TPH1: variants seen among roughly 807,000 people sequenced by gnomAD.
The protein encoded by TPH1 is tryptophan hydroxylase 1.
TPH1 carries 37 observed loss-of-function variants against 49.5 expected under a neutral mutation model. The ratio of observed to expected loss-of-function variants is 0.75; its 90% CI spans 0.58 to 0.98. TPH1 has a LOEUF of 0.98. TPH1 is among the 50% of genes least tolerant of loss of function. The pLI is 0.00. For synonymous variants in TPH1, 160 were observed against 182.1 expected, an observed-to-expected ratio of 0.88 and a Z score of 0.98; for missense variants, 487 against 523.6, an observed-to-expected ratio of 0.93 and a Z score of 0.68.
chr11:18,044,552 C>A (rs1475255678), intron 1 of TPH1, among the ~76,000 whole-genome samples: 1 of 150,460 alleles, frequency 6.6e-6, no homozygotes, highest in Non-Finnish European at 1.5e-5. Flanking sequence ...TCCCCCCCAC[C>A]CCAAAATAAT....
Position 18,019,961 on chromosome 11 carries a change from C to G in TPH1, c.*1030G>C, listed in dbSNP as rs1565233961. On this transcript the variant is annotated 3_prime_UTR_variant, in exon 11 of 11. Transcript: ENST00000682019. ...TCCCCTTTTCTGCAGCCTCTACTCT[C>G]ATTGCATACCTTTCTGTTTATGGCC... 3.0e-6 allele frequency: 1 copy of G among 336,738 alleles called. No individual in the cohort carries two copies. Among genetic ancestry groups the G allele is most frequent in the Non-Finnish European group, 5.8e-6 (1 of 172,052 alleles). 20.9% of individuals were successfully genotyped at this position (336,738 alleles called of 1,614,324 possible).
chr11:18,025,051 T>C (rs958466762), intron 8 of TPH1, among the ~76,000 whole-genome samples: 7 of 152,214 alleles, frequency 4.6e-5, no homozygotes, highest in Admixed American at 4.6e-4. Flanking sequence ...AACTGTCTCC[T>C]CAAACAGTAT....
chr11:18,040,186 C>T (rs553338871), intron 2 of TPH1, among the ~76,000 whole-genome samples: 6 of 148,762 alleles, frequency 4.0e-5, no homozygotes, highest in African/African-American at 9.8e-5. Flanking sequence ...CCCCATTTCT[C>T]GAAGTAGCTA....
intron 2 of TPH1, among the ~76,000 whole-genome samples, chr11:18,036,713 A>G (rs760762293): frequency 5.9e-5 from 9 of 152,294 alleles, no homozygotes; most frequent in Middle Eastern, 3.4e-3. Context: ...TCTCTTACCA[A>G]TTTGGGTAGC....
chr11:18,028,580 C>T (rs1262212661), intron 6 of TPH1, among the ~76,000 whole-genome samples: 1 of 152,136 alleles, frequency 6.6e-6, no homozygotes, highest in African/African-American at 2.4e-5. Flanking sequence ...AGGTTAAACA[C>T]CCTAAGAGTT....
intron 2 of TPH1, among the ~76,000 whole-genome samples, chr11:18,036,778 G>T (rs929532584): frequency 6.6e-6 from 1 of 152,128 alleles, no homozygotes; most frequent in Non-Finnish European, 1.5e-5. Flanking sequence ...TCACCCTATA[G>T]TTTTTTCATC....
Position 18,021,012 on chromosome 11 carries a change from G to C in TPH1, c.1314C>G (p.Val438=). ...ACTGTTAGATACTCGGCTTCCTGCT[G>C]ACCTTAGCAAGGGCATCACTGACAA... ...LDVVSDALAK[V]SRKPSI Residue 438 remains valine, a synonymous_variant, in exon 11 of 11, where the codon GTC becomes GTG. Coordinates refer to ENST00000682019, the MANE Select transcript of TPH1 (RefSeq NM_004179.3). 1 of 1,613,946 alleles carries C rather than the reference G, an allele frequency of 6.2e-7. No homozygotes were observed. The highest frequency in any genetic ancestry group is 8.5e-7 in the Non-Finnish European group (1 of 1,179,916).
chr11:18,041,557 G>A (rs1300629871), intron 1 of TPH1, among the ~76,000 whole-genome samples: 1 of 152,096 alleles, frequency 6.6e-6, no homozygotes, highest in Non-Finnish European at 1.5e-5. Context: ...ATTCTCACTC[G>A]TTTTAAAACA....
Position 18,018,665 on chromosome 11 carries a change from C to CAAAAAAAAAAAAAAAAA in TPH1, c.*2309_*2325dup, listed in dbSNP as rs57390279. 3.2e-4 allele frequency: 12 copies of CAAAAAAAAAAAAAAAAA among 37,038 alleles called. 2 individuals carry two copies. Among genetic ancestry groups the CAAAAAAAAAAAAAAAAA allele is most frequent in the African/African-American group, 5.9e-4 (6 of 10,222 alleles). 2.3% of individuals were successfully genotyped at this position (37,038 alleles called of 1,614,324 possible). On this transcript the variant is annotated 3_prime_UTR_variant, in exon 11 of 11. Coordinates refer to ENST00000682019, the MANE Select transcript of TPH1 (RefSeq NM_004179.3). ...TGGGCGACAGAGCAAGACTCCGTCTCAAAAAAAAAAAAAAAAAAAAAAAAA... is the reference window on the plus strand; with the variant it reads ...TGGGCGACAGAGCAAGACTCCGTCTCAAAAAAAAAAAAAAAAAAAAAAAAAAAAAAAAAAAAAAAAAA...
chr11:18,029,081 CAAAAA>C (rs368358256), intron 6 of TPH1, 79 bp downstream of exon 6: 357 of 539,852 alleles, frequency 6.6e-4, no homozygotes, highest in Middle Eastern at 1.0e-3. Context: ...GACTCTGTCT[CAAAAA>C]AAAAAAAAAA....
intron 1 of TPH1, among the ~76,000 whole-genome samples, chr11:18,043,443 A>G (rs1241500217): frequency 1.3e-5 from 2 of 152,170 alleles, no homozygotes; most frequent in Non-Finnish European, 2.9e-5. Flanking sequence ...CGTCTCTACT[A>G]AAAATACAAA....
At chr11:18,027,950 A>G (rs757177987) in intron 6 of TPH1, among the ~76,000 whole-genome samples, 1 of 152,190 alleles carries the variant, frequency 6.6e-6, no homozygotes, top group Non-Finnish European at 1.5e-5. Context: ...AGATATGTAG[A>G]TTTTTTTAAG....
At chr11:18,026,036 T>C (rs1847925825) in intron 7 of TPH1, among the ~76,000 whole-genome samples, 1 of 151,888 alleles carries the variant, frequency 6.6e-6, no homozygotes, top group African/African-American at 2.4e-5. Flanking sequence ...CTGATCACCC[T>C]TTTCAAAACA....
chr11:18,027,070 A>G (rs1476256206), intron 6 of TPH1, among the ~76,000 whole-genome samples: 1 of 152,214 alleles, frequency 6.6e-6, no homozygotes, highest in Non-Finnish European at 1.5e-5. Flanking sequence ...TTTAAATCAG[A>G]ACGATTTTTG....
In TPH1 at chr11:18,021,064, A is replaced by G. The variant is rs764014830; in HGVS notation, c.1262T>C (p.Met421Thr). ...LKDTKSITSA[M>T]NELQHDLDVV... Reference sequence around the variant, plus strand: ...ATCGAGATCATGCTGCAGCTCATTCATGGCACTGGTTATGCTCTTGGTGTC... The same window carrying G: ...ATCGAGATCATGCTGCAGCTCATTCGTGGCACTGGTTATGCTCTTGGTGTC... Residue 421 changes from methionine to threonine, a missense_variant, in exon 11 of 11, where the codon ATG (methionine) becomes ACG (threonine). Physicochemically the swap from Met to Thr is moderately conservative, Grantham distance 81 (BLOSUM62 -1). Transcript: ENST00000682019. 27 of 1,614,038 alleles carry G rather than the reference A, an allele frequency of 1.7e-5. No individual in the cohort carries two copies. The highest frequency in any genetic ancestry group is 3.3e-4 in the Middle Eastern group (2 of 6,062).
At chr11:18,038,277 G>C (rs966354334) in intron 2 of TPH1, among the ~76,000 whole-genome samples, 2 of 152,156 alleles carry the variant, frequency 1.3e-5, no homozygotes, top group African/African-American at 4.8e-5. Flanking sequence ...GCCTCCACTA[G>C]GCAGGGGATA....
At position 18,036,083 on chromosome 11, in the gene TPH1, T is replaced by C. The variant is rs763521110; in HGVS notation, c.177A>G (p.Glu59=). Reference sequence around the variant, plus strand: ...TGTCACAGTCAACAAAAATCTCAAATTCTGAGTTTCTTCTTTTTGATTTTC... The same window carrying C: ...TGTCACAGTCAACAAAAATCTCAAACTCTGAGTTTCTTCTTTTTGATTTTC... ...ESRKSKRRNS[E]FEIFVDCDIN... is the part of the protein sequence containing the mutation. Residue 59 remains glutamate, a synonymous_variant, in exon 3 of 11, where the codon GAA becomes GAG. Transcript: ENST00000682019. 4 of 1,613,418 alleles carry C rather than the reference T, an allele frequency of 2.5e-6. No individual in the cohort carries two copies. The highest frequency in any genetic ancestry group is 3.4e-6 in the Non-Finnish European group (4 of 1,179,894).
intron 1 of TPH1, among the ~76,000 whole-genome samples, chr11:18,043,816 T>C (rs1009543864): frequency 6.6e-6 from 1 of 151,302 alleles, no homozygotes; most frequent in Admixed American, 6.6e-5. Context: ...CAGTGATCCA[T>C]GATCGCGCCA....
chr11:18,017,865 G>A lies in TPH1; in HGVS notation c.*3126C>T, dbSNP rs887016267. 2 of 152,194 alleles carry A rather than the reference G, an allele frequency of 1.3e-5. No individual in the cohort carries two copies. The highest frequency in any genetic ancestry group is 1.5e-5 in the Non-Finnish European group (1 of 68,038). 9.4% of individuals were successfully genotyped at this position (152,194 alleles called of 1,614,324 possible). The stretch of plus-strand genomic sequence containing the variant: ...AGAAATGTAGGTATTCTGAAGACCA[G>A]CTTTTGAGCATCCTTAAGAAGTCAT... On this transcript the variant is annotated 3_prime_UTR_variant, in exon 11 of 11. Transcript: ENST00000682019.
Sources: gnomAD v4.1 joint callset for allele counts (sites outside exome capture counted in the v4.1 genomes callset) on GRCh38, gnomAD v4.1.1 for gene constraint, MANE v1.5 for transcripts, NCBI Gene and HGNC (gene_info 2026-07-23, HGNC 2026-07-21) for gene names.